IGF2R: variants seen among roughly 807,000 people sequenced by gnomAD.
IGF2R encodes the protein insulin like growth factor 2 receptor, also known as cation-independent mannose-6-phosphate receptor.
A neutral mutation model predicts 270.6 loss-of-function variants in IGF2R; 91 were observed. The ratio of observed to expected loss-of-function variants is 0.34; its 90% CI spans 0.28 to 0.40. The LOEUF is 0.40. IGF2R is among the 10% of genes least tolerant of loss of function. IGF2R has a pLI of 1.00. For synonymous variants in IGF2R, 1,316 were observed against 1,258.9 expected (o/e 1.05, Z -0.96); for missense variants, 2,805 against 3,188.3 (o/e 0.88, Z 2.90).
intron 39 of IGF2R, among the ~76,000 whole-genome samples, 154 bp downstream of exon 39, chr6:160,080,429 G>A (rs1186823196): frequency 1.3e-5 from 2 of 152,334 alleles, no homozygotes; most frequent in South Asian, 2.1e-4. Flanking sequence ...ACAGAGAAAC[G>A]TTTGAATTGC....
intron 2 of IGF2R, among the ~76,000 whole-genome samples, chr6:159,992,299 A>G (rs1783990385): frequency 6.6e-6 from 1 of 152,140 alleles, no homozygotes; most frequent in Non-Finnish European, 1.5e-5. Context: ...ATAGTTGTAA[A>G]TCTGGGTTTT....
chr6:160,048,348 CAT>C, intron 17 of IGF2R, 25 bp from the exon 18 acceptor site: 1 of 1,607,552 alleles, frequency 6.2e-7, no homozygotes, highest in Non-Finnish European at 8.5e-7. Context: ...TCTTTAAAAG[CAT>C]ATACATTTTG....
At chr6:160,065,297 T>G (rs1583288004) in intron 29 of IGF2R, among the ~76,000 whole-genome samples, 1 of 152,086 alleles carries the variant, frequency 6.6e-6, no homozygotes, top group East Asian at 1.9e-4. Flanking sequence ...GTCCCATCCT[T>G]AGAGATTTTG....
chr6:160,034,568 C>A, intron 10 of IGF2R, 46 bp downstream of exon 10: 1 of 1,242,956 alleles, frequency 8.0e-7, no homozygotes, highest in Non-Finnish European at 1.2e-6. Flanking sequence ...CATTCATGGG[C>A]ATGTGCTTGT....
Position 160,076,141 on chromosome 6 carries a change from G to A in IGF2R, c.5316+145G>A, listed in dbSNP as rs561794017. 1.3e-5 allele frequency: 10 copies of A among 776,430 alleles called. No individual in the cohort carries two copies. In the East Asian group the frequency reaches 2.5e-4, roughly 19 times the overall value. The allele number at this position is 776,430 out of a possible 1,614,324, so 48.1% of individuals were successfully genotyped here. A position where few individuals can be genotyped will look rare whatever the true frequency, so the allele number is the denominator to read the frequency against. ...AAGATGGTACGCTAGTAGTGTGTCT[G>A]AATAATTTAAACCACTGATTGAGGG... On this transcript the variant is annotated intron_variant, in intron 36 of 47. Coordinates refer to ENST00000356956, the MANE Select transcript of IGF2R (RefSeq NM_000876.4).
At chr6:160,086,414 C>G (rs2114727273) in intron 41 of IGF2R, among the ~76,000 whole-genome samples, 1 of 152,302 alleles carries the variant, frequency 6.6e-6, no homozygotes, top group East Asian at 1.9e-4. Context: ...GAATGGACCC[C>G]TGTTGGGGTG....
chr6:160,050,449 C>G lies in IGF2R; in HGVS notation c.2515-24C>G, dbSNP rs899004927. 1 of 1,595,224 alleles carries G rather than the reference C, an allele frequency of 6.3e-7. No homozygotes were observed. ...CGACTGTATCTTCAGGGGGAAAAGC[C>G]TAACAAGACTGGTTTTCTTGCAGGG... On this transcript the variant is annotated intron_variant, in intron 18 of 47. Transcript: ENST00000356956. This position sits in a 1 kb window ranked among gnomAD's most constrained non-coding sequence, Gnocchi z 4.0.
chr6:160,070,034 A>G lies in IGF2R; in HGVS notation c.4419A>G (p.Arg1473=), dbSNP rs1465838921. The change falls in exon 31 of 48, where the codon CGA becomes CGG. Residue 1473 remains arginine (R), a synonymous_variant. Coordinates refer to ENST00000356956, the MANE Select transcript of IGF2R (RefSeq NM_000876.4). ...TTCGGAAAAAGTCAACCACCATCCG[A>G]TTCACCTGCAGCGAGAGCCAAGTGG... ...DGIRKKSTTI[R]FTCSESQVNS... 3.1e-6 allele frequency: 5 copies of G among 1,614,092 alleles called. No individual in the cohort carries two copies. Among genetic ancestry groups the G allele is most frequent in the Non-Finnish European group, 3.4e-6 (4 of 1,180,036 alleles).
intron 1 of IGF2R, among the ~76,000 whole-genome samples, chr6:159,989,399 T>C (rs1015198200): frequency 2.0e-5 from 3 of 152,080 alleles, no homozygotes; most frequent in African/African-American, 7.2e-5. Flanking sequence ...GACGGCTCCT[T>C]CTGTGAGGGA....
intron 18 of IGF2R, among the ~76,000 whole-genome samples, chr6:160,049,920 C>T (rs1778155752): frequency 6.6e-6 from 1 of 152,112 alleles, no homozygotes; most frequent in South Asian, 2.1e-4. Flanking sequence ...TGAGAAGAAA[C>T]CTCAAATTCA....
chr6:160,070,197 G>A, intron 31 of IGF2R, 139 bp downstream of exon 31: 2 of 827,056 alleles, frequency 2.4e-6, no homozygotes, highest in South Asian at 1.7e-5. Flanking sequence ...CCAGAGGTTG[G>A]GGGAACAGCG....
chr6:159,969,952 A>G (rs971343697), intron 1 of IGF2R, among the ~76,000 whole-genome samples: 1 of 150,660 alleles, frequency 6.6e-6, no homozygotes, highest in Admixed American at 6.6e-5. Context: ...ATATATATAT[A>G]TATATTTTTA....
chr6:159,979,618 C>T (rs979563980), intron 1 of IGF2R, among the ~76,000 whole-genome samples: 50 of 152,238 alleles, frequency 3.3e-4, no homozygotes, highest in African/African-American at 1.1e-3. Flanking sequence ...TTGGAGAGTC[C>T]GCTGTCACCA....
At chr6:160,097,583 G>A (rs1779393012) in intron 45 of IGF2R, among the ~76,000 whole-genome samples, 1 of 152,194 alleles carries the variant, frequency 6.6e-6, no homozygotes, top group African/African-American at 2.4e-5. Context: ...GCCTGCCTTG[G>A]CCTCCCAAAG....
intron 2 of IGF2R, among the ~76,000 whole-genome samples, chr6:159,997,779 C>T (rs750412226): frequency 2.6e-5 from 4 of 152,210 alleles, no homozygotes; most frequent in Non-Finnish European, 5.9e-5. Flanking sequence ...TGAGAACCGG[C>T]CTCTGGCAAC....
At chr6:160,045,257 T>C (rs1778041755) in intron 13 of IGF2R, among the ~76,000 whole-genome samples, 1 of 152,270 alleles carries the variant, frequency 6.6e-6, no homozygotes, top group Admixed American at 6.5e-5. Flanking sequence ...GTGTTGCTAA[T>C]TGTGCTATTA....
chr6:160,059,139 C>T, intron 22 of IGF2R, 41 bp downstream of exon 22: 1 of 1,563,900 alleles, frequency 6.4e-7, no homozygotes, highest in East Asian at 2.2e-5. Flanking sequence ...AAAAAGGGCC[C>T]TGGTGGCTCT....
At chr6:160,064,266 G>A in intron 27 of IGF2R, 135 bp from the exon 28 acceptor site, 1 of 975,900 alleles carries the variant, frequency 1.0e-6, no homozygotes, top group African/African-American at 1.6e-5. Context: ...TGACAGGAGT[G>A]CATGGTATGG....
At chr6:160,091,183 G>A (rs999958109) in intron 44 of IGF2R, among the ~76,000 whole-genome samples, 2 of 108,602 alleles carry the variant, frequency 1.8e-5, no homozygotes, top group African/African-American at 3.9e-5. Context: ...CAGGTGCTCC[G>A]TGCCCTGGTG....
Sources: allele counts gnomAD v4.1 joint callset (sites outside exome capture counted in the v4.1 genomes callset), GRCh38; gene constraint gnomAD v4.1.1; non-coding constraint Gnocchi (gnomAD v3.1); transcripts MANE v1.5; gene names NCBI Gene and HGNC (gene_info 2026-07-23, HGNC 2026-07-21).